Variants in DPH6 observed in about 807,000 individuals in gnomAD.
DPH6 encodes diphthamine biosynthesis 6.
A neutral mutation model predicts 38.2 loss-of-function variants in DPH6; 33 were observed. That is an observed-to-expected ratio of 0.86 (90% CI 0.65 to 1.15). DPH6 has a LOEUF of 1.15. DPH6 is among the 50% of genes most tolerant of loss of function. The pLI, the probability that DPH6 is intolerant of heterozygous loss-of-function variation, is 0.00. For missense variants in DPH6, 325 were observed against 320.0 expected, an observed-to-expected ratio of 1.02 and a Z score of -0.12; for synonymous variants, 108 against 103.0, an observed-to-expected ratio of 1.05 and a Z score of -0.30.
the DPH6 span, among the ~76,000 whole-genome samples, chr15:35,183,374 C>T: frequency 1.3e-5 from 2 of 152,152 alleles, no homozygotes; most frequent in South Asian, 2.1e-4. Context: ...TCAGCAATTG[C>T]GCCTCTACTG....
downstream of DPH6, among the ~76,000 whole-genome samples, chr15:35,366,720 C>T (rs904225972): frequency 1.3e-5 from 2 of 151,904 alleles, no homozygotes; most frequent in African/African-American, 2.4e-5. Context: ...TCATAACTCA[C>T]ACATCACCAT....
chr15:35,502,933 T>A (rs1275135389), intron 3 of DPH6, among the ~76,000 whole-genome samples: 2 of 147,712 alleles, frequency 1.4e-5, no homozygotes, highest in African/African-American at 4.9e-5. Flanking sequence ...ATTATATATA[T>A]AAATATATAT....
chr15:35,161,647 C>T, the DPH6 span, among the ~76,000 whole-genome samples: 2 of 151,776 alleles, frequency 1.3e-5, no homozygotes, highest in Non-Finnish European at 2.9e-5. Context: ...TTGATGGGAT[C>T]AGTATCTTTT....
intron 3 of DPH6, among the ~76,000 whole-genome samples, chr15:35,499,725 G>T (rs897325220): frequency 6.6e-6 from 1 of 152,184 alleles, no homozygotes; most frequent in Non-Finnish European, 1.5e-5. Flanking sequence ...GCAGCTAAGA[G>T]AAATAAGATT....
chr15:35,353,717 G>A (rs1472896188), intron 3 of DPH6, among the ~76,000 whole-genome samples: 1 of 152,170 alleles, frequency 6.6e-6, no homozygotes, highest in Non-Finnish European at 1.5e-5. Context: ...GTAGCGTGAT[G>A]CCTCCAACTT....
chr15:35,402,364 C>T (rs1210401994), intron 6 of DPH6, among the ~76,000 whole-genome samples: 1 of 152,084 alleles, frequency 6.6e-6, no homozygotes, highest in Non-Finnish European at 1.5e-5. Flanking sequence ...TGATTGTTGG[C>T]ACATCCTATG....
At chr15:35,361,087 C>T (rs1401434167) in intron 3 of DPH6, among the ~76,000 whole-genome samples, 1 of 152,156 alleles carries the variant, frequency 6.6e-6, no homozygotes, top group African/African-American at 2.4e-5. Context: ...ATGGGCAGGA[C>T]AGAGACCAAG....
intron 3 of DPH6, among the ~76,000 whole-genome samples, chr15:35,236,389 A>G (rs1425289803): frequency 6.6e-6 from 1 of 152,248 alleles, no homozygotes; most frequent in Non-Finnish European, 1.5e-5. Flanking sequence ...CTGTAATCCC[A>G]GCACTTTGGG....
chr15:35,317,386 GAA>G, intron 3 of DPH6, among the ~76,000 whole-genome samples: 1 of 135,892 alleles, frequency 7.4e-6, no homozygotes, highest in African/African-American at 2.8e-5. Flanking sequence ...GAAAGAAAAA[GAA>G]AGAAAAGGAA....
chr15:35,486,532 A>G (rs562061839), intron 3 of DPH6, among the ~76,000 whole-genome samples: 1 of 150,114 alleles, frequency 6.7e-6, no homozygotes, highest in African/African-American at 2.5e-5. Flanking sequence ...ATCAGATCTC[A>G]AGAGAACTCA....
intron 3 of DPH6, among the ~76,000 whole-genome samples, chr15:35,288,558 A>C (rs1172310953): frequency 6.6e-6 from 1 of 152,084 alleles, no homozygotes; most frequent in Non-Finnish European, 1.5e-5. Flanking sequence ...ATTTTGACAA[A>C]TTACTTATGA....
intron 7 of DPH6, among the ~76,000 whole-genome samples, chr15:35,378,240 C>T (rs11073090): frequency 0.31 from 46,852 of 152,064 alleles, 7,977 homozygotes; most frequent in African/African-American, 0.45. Context: ...TCATCATCAC[C>T]TGTCATTAGA....
rs140593537 is a variant in DPH6, at chr15:35,507,484, G to C, written c.312+30790C>G. On this transcript the variant is annotated intron_variant, in intron 3 of 8. Transcript: ENST00000256538. ...GAAACCTCGTATATTTATAAGTGCA[G>C]GTTTGAATTTTAACAGTGTATGTGA... Among the ~76,000 whole-genome samples the C allele has an allele frequency of 2.9e-3, 448 of 151,934 alleles. 4 individuals carry two copies. The highest frequency in any genetic ancestry group is 8.6e-3 in the Admixed American group (131 of 15,260).
intron 3 of DPH6, among the ~76,000 whole-genome samples, chr15:35,534,272 G>A (rs960019304): frequency 2.0e-5 from 3 of 151,528 alleles, no homozygotes; most frequent in Non-Finnish European, 2.9e-5. Flanking sequence ...AGCTACTCAG[G>A]AGGCTGAGGC....
the DPH6 span, among the ~76,000 whole-genome samples, chr15:35,156,625 T>C: frequency 3.9e-5 from 6 of 152,172 alleles, no homozygotes; most frequent in African/African-American, 1.4e-4. Context: ...AAATTCATTC[T>C]GGCTGTCTGA....
At chr15:35,394,413 T>G (rs990426179) in intron 6 of DPH6, among the ~76,000 whole-genome samples, 1 of 152,186 alleles carries the variant, frequency 6.6e-6, no homozygotes, top group Non-Finnish European at 1.5e-5. Context: ...ACCCCATGAG[T>G]GATTCCTCAT....
chr15:35,201,446 A>G, the DPH6 span, among the ~76,000 whole-genome samples: 1 of 151,880 alleles, frequency 6.6e-6, no homozygotes, highest in African/African-American at 2.4e-5. Flanking sequence ...ATGTTTTAAA[A>G]ATTATCTTTT....
the DPH6 span, among the ~76,000 whole-genome samples, chr15:35,197,879 T>C: frequency 6.6e-6 from 1 of 152,210 alleles, no homozygotes; most frequent in Non-Finnish European, 1.5e-5. Flanking sequence ...TAGGAATAGC[T>C]GGGCTTCTAC....
intron 3 of DPH6, among the ~76,000 whole-genome samples, chr15:35,308,225 T>G (rs2052109757): frequency 6.6e-6 from 1 of 152,136 alleles, no homozygotes; most frequent in South Asian, 2.1e-4. Flanking sequence ...GCTATGATCC[T>G]GTCACTGCAT....
Sources: gnomAD v4.1 joint callset for allele counts (sites outside exome capture counted in the v4.1 genomes callset) on GRCh38, gnomAD v4.1.1 for gene constraint, MANE v1.5 for transcripts, NCBI Gene and HGNC (gene_info 2026-07-23, HGNC 2026-07-21) for gene names.